Variants in MGAT5 observed in about 807,000 individuals in gnomAD.
MGAT5 encodes alpha-1,6-mannosylglycoprotein 6-beta-N-acetylglucosaminyltransferase.
In MGAT5, 30 loss-of-function variants were observed where a neutral mutation model predicts 94.3. The ratio of observed to expected loss-of-function variants is 0.32; its 90% confidence interval spans 0.24 to 0.43. MGAT5 has a LOEUF of 0.43. MGAT5 is among the 20% of genes least tolerant of loss of function. The probability of loss-of-function intolerance (pLI) is 1.00; values close to 1 mark genes in which losing one functional copy is unlikely to be tolerated. For synonymous variants in MGAT5, 310 were observed against 322.9 expected (o/e 0.96, Z 0.43); for missense variants, 691 against 905.5 (o/e 0.76, Z 3.04).
intron 1 of MGAT5, among the ~76,000 whole-genome samples, chr2:134,256,050 G>A (rs1480505258): frequency 1.3e-5 from 2 of 152,266 alleles, no homozygotes; most frequent in African/African-American, 4.8e-5. Context: ...TTCTTACTAT[G>A]TAAATAATCA....
intron 1 of MGAT5, among the ~76,000 whole-genome samples, chr2:134,206,464 A>T (rs1353620088): frequency 1.3e-5 from 2 of 152,186 alleles, no homozygotes; most frequent in Non-Finnish European, 2.9e-5. Flanking sequence ...TGCTGCTGTA[A>T]CAAATTATTA....
chr2:134,300,989 A>T (rs895285841), intron 2 of MGAT5, among the ~76,000 whole-genome samples: 1 of 152,058 alleles, frequency 6.6e-6, no homozygotes, highest in Non-Finnish European at 1.5e-5. Flanking sequence ...CATATTCATC[A>T]CCCCAGAATG....
At chr2:134,277,858 CTTTAAA>C (rs1309411841) in intron 2 of MGAT5, among the ~76,000 whole-genome samples, 1 of 152,238 alleles carries the variant, frequency 6.6e-6, no homozygotes, top group African/African-American at 2.4e-5. Flanking sequence ...CACTGGAACA[CTTTAAA>C]TTTGAAGTTC....
chr2:134,304,131 A>G (rs1686191026), intron 2 of MGAT5, among the ~76,000 whole-genome samples: 1 of 152,210 alleles, frequency 6.6e-6, no homozygotes, highest in African/African-American at 2.4e-5. Context: ...CAGGTAGTGT[A>G]GTTTAGCAGC....
chr2:134,372,902 G>A (rs1184124360), intron 10 of MGAT5, among the ~76,000 whole-genome samples: 2 of 152,222 alleles, frequency 1.3e-5, no homozygotes, highest in East Asian at 1.9e-4. Flanking sequence ...TCCTGCGAAC[G>A]CCAGGGCTGG....
intron 1 of MGAT5, among the ~76,000 whole-genome samples, chr2:134,219,542 G>A (rs1680653422): frequency 6.6e-6 from 1 of 152,176 alleles, no homozygotes; most frequent in Non-Finnish European, 1.5e-5. Flanking sequence ...GTATAGTTGT[G>A]TGAATTCCAA....
intron 1 of MGAT5, among the ~76,000 whole-genome samples, chr2:134,182,106 T>C (rs1285891787): frequency 6.6e-6 from 1 of 152,114 alleles, no homozygotes; most frequent in Non-Finnish European, 1.5e-5. Flanking sequence ...AGAAGAAATA[T>C]AATATTGAGG....
intron 14 of MGAT5, among the ~76,000 whole-genome samples, chr2:134,428,896 G>T (rs977015403): frequency 4.6e-5 from 7 of 152,290 alleles, no homozygotes; most frequent in African/African-American, 1.7e-4. Flanking sequence ...AACCTTATAT[G>T]TATATAAAAC....
intron 1 of MGAT5, among the ~76,000 whole-genome samples, chr2:134,160,853 G>A (rs144888075): frequency 9.8e-5 from 15 of 152,322 alleles, no homozygotes; most frequent in African/African-American, 3.4e-4. Flanking sequence ...GCAGTTCTTC[G>A]GAAGCATCTG....
At chr2:134,293,734 T>G (rs1685510506) in intron 2 of MGAT5, among the ~76,000 whole-genome samples, 1 of 152,218 alleles carries the variant, frequency 6.6e-6, no homozygotes, top group South Asian at 2.1e-4. Flanking sequence ...CCTCCGAAAG[T>G]GCTTCCTTGC....
At chr2:134,264,039 T>G (rs1260368975) in intron 1 of MGAT5, among the ~76,000 whole-genome samples, 1 of 149,944 alleles carries the variant, frequency 6.7e-6, no homozygotes, top group Non-Finnish European at 1.5e-5. Flanking sequence ...TTTTTTTTTT[T>G]GAGATGGAGT....
At chr2:134,427,328 A>T (rs1275994294) in intron 13 of MGAT5, among the ~76,000 whole-genome samples, 2 of 152,136 alleles carry the variant, frequency 1.3e-5, no homozygotes, top group South Asian at 4.1e-4. Flanking sequence ...CTCAAATGAA[A>T]TTTCCATTTT....
chr2:134,361,413 AGAG>A (rs917606841), intron 9 of MGAT5, among the ~76,000 whole-genome samples: 42 of 152,368 alleles, frequency 2.8e-4, no homozygotes, highest in Admixed American at 2.5e-3. Flanking sequence ...GAATGAAGGT[AGAG>A]GAGAGGAGCA....
chr2:134,315,600 G>A (rs779037018), intron 2 of MGAT5, among the ~76,000 whole-genome samples: 1 of 152,206 alleles, frequency 6.6e-6, no homozygotes, highest in Admixed American at 6.5e-5. Flanking sequence ...GATATAGCAA[G>A]TAAAAGTTGT....
chr2:134,220,771 CT>C (rs1166289140), intron 1 of MGAT5, among the ~76,000 whole-genome samples: 1 of 152,114 alleles, frequency 6.6e-6, no homozygotes, highest in Non-Finnish European at 1.5e-5. Flanking sequence ...AGGGAACTTC[CT>C]TTTTTATCTT....
intron 14 of MGAT5, among the ~76,000 whole-genome samples, chr2:134,440,779 A>C (rs889405416): frequency 6.6e-6 from 1 of 152,066 alleles, no homozygotes; most frequent in Non-Finnish European, 1.5e-5. Flanking sequence ...AGGTGGGAGG[A>C]GGCACTTCTT....
At chr2:134,285,905 C>T (rs1684971632) in intron 2 of MGAT5, among the ~76,000 whole-genome samples, 1 of 152,104 alleles carries the variant, frequency 6.6e-6, no homozygotes, top group Non-Finnish European at 1.5e-5. Context: ...ATTTAGTGGT[C>T]AGTGCTTACT....
intron 4 of MGAT5, among the ~76,000 whole-genome samples, chr2:134,324,559 G>A (rs1488423403): frequency 1.3e-5 from 2 of 152,094 alleles, no homozygotes; most frequent in Non-Finnish European, 2.9e-5. Context: ...AAGCTTAAAT[G>A]TTTGTGAATG....
Position 134,381,369 on chromosome 2 carries a change from A to AGATAGATAGATAGATAGATAGAT in MGAT5, c.1380+18961_1380+18962insGATAGATAGATAGATAGATAGAT, listed in dbSNP as rs1553457670. ...TAGATAGATAGATAGATAGATAGAT[A>AGATAGATAGATAGATAGATAGAT]AGATAAGATAGATTAGATAGATAGA... On this transcript the variant is annotated intron_variant, in intron 10 of 15. Coordinates refer to ENST00000281923, the MANE Select transcript of MGAT5 (RefSeq NM_002410.5). Among the ~76,000 whole-genome samples the AGATAGATAGATAGATAGATAGAT allele has an allele frequency of 2.2e-4, 12 of 55,164 alleles. No individual in the cohort carries two copies. In the East Asian group the frequency reaches 2.5e-3, roughly 12 times the overall value. 36.2% of individuals were successfully genotyped at this position (55,164 alleles called of 152,430 possible).
Sources: gnomAD v4.1 joint callset for allele counts (sites outside exome capture counted in the v4.1 genomes callset) on GRCh38, gnomAD v4.1.1 for gene constraint, MANE v1.5 for transcripts, NCBI Gene and HGNC (gene_info 2026-07-23, HGNC 2026-07-21) for gene names.